Variants in MACROD2 observed in about 807,000 individuals in gnomAD.
MACROD2 encodes the protein mono-ADP ribosylhydrolase 2, also known as ADP-ribose glycohydrolase MACROD2.
MACROD2 carries 36 observed loss-of-function variants against 70.4 expected under a neutral mutation model. That is an observed-to-expected ratio of 0.51 (90% CI 0.39 to 0.68). The LOEUF (loss-of-function observed/expected upper bound fraction) is 0.68, where lower values mean the gene tolerates loss of function less well. Ranked by LOEUF, MACROD2 falls within the 30% of genes least tolerant of loss-of-function variation. MACROD2 has a pLI of 0.00. For missense variants in MACROD2, 496 were observed against 538.4 expected, an observed-to-expected ratio of 0.92 and a Z score of 0.78; for synonymous variants, 172 against 178.8, an observed-to-expected ratio of 0.96 and a Z score of 0.30.
intron 3 of MACROD2, among the ~76,000 whole-genome samples, chr20:14,229,607 T>G (rs1417596800): frequency 6.6e-6 from 1 of 152,210 alleles, no homozygotes; most frequent in Non-Finnish European, 1.5e-5. Context: ...TCATTGCTGG[T>G]GGGAATGCAA....
At chr20:15,035,882 C>G (rs923232983) in intron 5 of MACROD2, among the ~76,000 whole-genome samples, 1 of 151,408 alleles carries the variant, frequency 6.6e-6, no homozygotes, top group Non-Finnish European at 1.5e-5. Context: ...CCTGCTCCCC[C>G]TTTTTTTTTC....
intron 5 of MACROD2, among the ~76,000 whole-genome samples, chr20:14,869,330 G>A (rs1469564573): frequency 6.6e-6 from 1 of 152,118 alleles, no homozygotes; most frequent in Admixed American, 6.6e-5. Flanking sequence ...AACTTCTCTA[G>A]AGTTTAAGTT....
chr20:15,555,969 G>T (rs2048164818), intron 8 of MACROD2, among the ~76,000 whole-genome samples: 4 of 152,028 alleles, frequency 2.6e-5, no homozygotes, highest in Admixed American at 2.6e-4. Context: ...TTTGGGGATA[G>T]CTTACTCAGG....
At chr20:15,557,687 T>C (rs1195723579) in intron 8 of MACROD2, among the ~76,000 whole-genome samples, 1 of 152,216 alleles carries the variant, frequency 6.6e-6, no homozygotes, top group Non-Finnish European at 1.5e-5. Context: ...GAGAGCAAAC[T>C]GAATTGGTCT....
At chr20:14,296,054 A>G (rs1275010039) in intron 3 of MACROD2, among the ~76,000 whole-genome samples, 2 of 151,916 alleles carry the variant, frequency 1.3e-5, no homozygotes, top group Non-Finnish European at 2.9e-5. Context: ...AAACCTAGCT[A>G]GAAGGACATG....
rs60502782 is a variant in MACROD2, at chr20:14,316,198, C to A, written c.272-177281C>A. On this transcript the variant is annotated intron_variant, in intron 3 of 17. Transcript: ENST00000684519. The stretch of plus-strand genomic sequence containing the variant: ...TCTGTCTACCCTGAGTTTAAATTCA[C>A]TGAAAGCTACAAGAAAGACAAGTGT... 2.6e-3 allele frequency among the ~76,000 whole-genome samples: 401 copies of A among 152,256 alleles called. 9 individuals are homozygous for A. In the East Asian group the frequency reaches 0.065, roughly 25 times the overall value.
intron 5 of MACROD2, among the ~76,000 whole-genome samples, chr20:14,700,226 A>G (rs1318368464): frequency 1.3e-5 from 2 of 152,072 alleles, no homozygotes; most frequent in East Asian, 1.9e-4. Context: ...TGTGTAATAT[A>G]TACCTATAGA....
rs192584289 is a variant in MACROD2 at position 15,256,349 on chromosome 20, C to T, written c.540+26288C>T. Among the ~76,000 whole-genome samples, 668 of 151,942 alleles carry T rather than the reference C, an allele frequency of 4.4e-3. 6 individuals are homozygous for T. The highest frequency in any genetic ancestry group is 0.032 in the South Asian group (156 of 4,814). On this transcript the variant is annotated intron_variant, in intron 6 of 17. Coordinates refer to ENST00000684519, the MANE Select transcript of MACROD2 (RefSeq NM_001351661.2). ...ATTAACACTTTTTGAAAAGATATTG[C>T]CTTGTTCTAGAGTTCTTGAGCTATT...
chr20:14,872,810 T>C (rs1404362949), intron 5 of MACROD2, among the ~76,000 whole-genome samples: 1 of 152,188 alleles, frequency 6.6e-6, no homozygotes, highest in East Asian at 1.9e-4. Context: ...GGGGTTTAAC[T>C]GACTCACAGT....
chr20:14,098,441 G>A (rs543987171), intron 3 of MACROD2, among the ~76,000 whole-genome samples: 17 of 152,284 alleles, frequency 1.1e-4, no homozygotes, highest in African/African-American at 4.1e-4. Context: ...TACATTAGTT[G>A]TGAATGTCAT....
chr20:15,527,622 G>A (rs983838761), intron 8 of MACROD2, among the ~76,000 whole-genome samples: 3 of 152,102 alleles, frequency 2.0e-5, no homozygotes, highest in Non-Finnish European at 4.4e-5. Context: ...ACTGCCCATA[G>A]GCCATCTGAT....
At chr20:15,981,421 C>A (rs2066398009) in intron 13 of MACROD2, among the ~76,000 whole-genome samples, 1 of 152,052 alleles carries the variant, frequency 6.6e-6, no homozygotes. Flanking sequence ...TTTAGCTATG[C>A]AATAATTGAG....
At chr20:16,003,581 A>T (rs6034346) in intron 15 of MACROD2, among the ~76,000 whole-genome samples, 1,593 of 152,248 alleles carry the variant, frequency 0.01, 23 homozygotes, top group African/African-American at 0.036. Flanking sequence ...ATGTGCATGA[A>T]ATCACCTGAA....
chr20:15,771,166 T>C (rs1264131665), intron 8 of MACROD2, among the ~76,000 whole-genome samples: 1 of 151,924 alleles, frequency 6.6e-6, no homozygotes, highest in Admixed American at 6.5e-5. Context: ...CAAATGTCTC[T>C]TCTTCTTGTG....
intron 6 of MACROD2, among the ~76,000 whole-genome samples, chr20:15,361,669 C>T (rs1020781535): frequency 1.3e-5 from 2 of 151,940 alleles, no homozygotes; most frequent in East Asian, 1.9e-4. Context: ...CTTATTATGT[C>T]GATTCTTTTA....
chr20:15,059,515 A>T (rs1239068223), intron 5 of MACROD2, among the ~76,000 whole-genome samples: 11 of 152,246 alleles, frequency 7.2e-5, no homozygotes, highest in African/African-American at 2.4e-4. Flanking sequence ...ATTAGAACAA[A>T]CTATTGCTTT....
intron 2 of MACROD2, among the ~76,000 whole-genome samples, chr20:14,013,880 C>T (rs951513919): frequency 2.6e-5 from 4 of 151,802 alleles, no homozygotes; most frequent in African/African-American, 4.8e-5. Context: ...ATGGGTTTCA[C>T]GATGTTGGCC....
intron 8 of MACROD2, among the ~76,000 whole-genome samples, chr20:15,525,460 C>T (rs370894340): frequency 9.6e-4 from 146 of 152,240 alleles, no homozygotes; most frequent in African/African-American, 2.4e-3. Flanking sequence ...AAAAATGGCA[C>T]ATCTCAAAAA....
chr20:15,769,212 A>G (rs1382713773), intron 8 of MACROD2, among the ~76,000 whole-genome samples: 1 of 152,128 alleles, frequency 6.6e-6, no homozygotes, highest in Non-Finnish European at 1.5e-5. Flanking sequence ...CAGTGGTGCA[A>G]TCTCAGCTCA....
Sources: allele counts gnomAD v4.1 joint callset (sites outside exome capture counted in the v4.1 genomes callset), GRCh38; gene constraint gnomAD v4.1.1; transcripts MANE v1.5; gene names NCBI Gene and HGNC (gene_info 2026-07-23, HGNC 2026-07-21).